The following DNMT1 variants were observed in gnomAD, a reference collection of about 807,000 sequenced individuals.
DNMT1 encodes the protein DNA (cytosine-5)-methyltransferase 1.
DNMT1 carries 24 observed loss-of-function variants against 205.3 expected under a neutral mutation model. The observed-to-expected ratio is 0.12, with a 90% confidence interval of 0.08 to 0.16. The LOEUF is 0.16. DNMT1 is among the 10% of genes least tolerant of loss of function. The pLI, the probability that DNMT1 is intolerant of heterozygous loss-of-function variation, is 1.00. For synonymous variants in DNMT1, 817 were observed against 839.8 expected, an observed-to-expected ratio of 0.97 and a Z score of 0.47; for missense variants, 1,293 against 2,177.7, an observed-to-expected ratio of 0.59 and a Z score of 8.09.
chr19:10,186,226 G>A lies in DNMT1; in HGVS notation c.81-4149C>T, dbSNP rs971550653. On this transcript the variant is annotated intron_variant, in intron 1 of 40. Coordinates refer to ENST00000359526, the MANE Select transcript of DNMT1 (RefSeq NM_001130823.3). ...GAACTGGGATATTTAGCCTGGCAAA[G>A]AGAATAGAGAAACCTTCAAAACCCC... 1.8e-4 allele frequency among the ~76,000 whole-genome samples: 27 copies of A among 152,288 alleles called. No individual in the cohort carries two copies. The East Asian group carries it at 4.4e-3, about 25-fold the overall frequency.
At position 10,154,517 on chromosome 19, in the gene DNMT1, A is replaced by G; in HGVS notation, c.1833-38T>C. The G allele has an allele frequency of 6.2e-7, 1 of 1,614,144 alleles. No individual in the cohort carries two copies. The highest frequency in any genetic ancestry group is 8.5e-7 in the Non-Finnish European group (1 of 1,180,026). The stretch of plus-strand genomic sequence containing the variant: ...TTCCAGCATCTCAGAGGACTGGGAC[A>G]GAGGATGTGGGCCATGCTCTACCCT... On this transcript the variant is annotated intron_variant, in intron 21 of 40. Coordinates refer to ENST00000359526, the MANE Select transcript of DNMT1 (RefSeq NM_001130823.3). This position sits in a 1 kb window ranked among gnomAD's most constrained non-coding sequence, Gnocchi z 6.3.
At chr19:10,194,543 C>G (rs188102031) in intron 1 of DNMT1, 1 of 363,726 alleles carries the variant, frequency 2.7e-6, no homozygotes, top group Admixed American at 5.0e-5. Flanking sequence ...CCAAAGCTTG[C>G]TGTATTTGGG....
intron 1 of DNMT1, among the ~76,000 whole-genome samples, chr19:10,191,740 A>G (rs1030553318): frequency 3.3e-5 from 5 of 152,160 alleles, no homozygotes; most frequent in African/African-American, 1.2e-4. Flanking sequence ...TCACGCCTGT[A>G]ATCTCAGCCC....
intron 13 of DNMT1, 109 bp downstream of exon 13, chr19:10,162,558 C>G: frequency 1.7e-6 from 2 of 1,198,812 alleles, no homozygotes; most frequent in South Asian, 2.8e-5. Context: ...GCGTGCGCCA[C>G]CACGCCCAGT....
At chr19:10,177,428 A>G (rs1599392667) in intron 5 of DNMT1, 61 bp from the exon 6 acceptor site, 1 of 1,517,848 alleles carries the variant, frequency 6.6e-7, no homozygotes, top group East Asian at 2.3e-5. Context: ...TAGAAAGCCC[A>G]CAGCAATAAT....
rs2038517992 is a variant in DNMT1, at chr19:10,159,270, C to T, written c.1280+388G>A. Among the ~76,000 whole-genome samples the T allele has an allele frequency of 1.3e-5, 2 of 152,232 alleles. No homozygotes were observed. On this transcript the variant is annotated intron_variant, in intron 17 of 40. Coordinates refer to ENST00000359526, the MANE Select transcript of DNMT1 (RefSeq NM_001130823.3). This position sits in a 1 kb window ranked among gnomAD's most constrained non-coding sequence, Gnocchi z 5.0. ...TTGCTCTGTCGCCCAGGCTGGAATG[C>T]AGTGGCACCACCTCGGCTCACTGCA... is the stretch of plus-strand genomic sequence containing the variant.
At chr19:10,148,607 C>T (rs1326244357) in intron 27 of DNMT1, among the ~76,000 whole-genome samples, 1 of 152,086 alleles carries the variant, frequency 6.6e-6, no homozygotes, top group Non-Finnish European at 1.5e-5. Flanking sequence ...TGGGCACACA[C>T]TGAAGAACAC....
chr19:10,181,344 G>A (rs1022591061), intron 2 of DNMT1, among the ~76,000 whole-genome samples: 3 of 151,964 alleles, frequency 2.0e-5, no homozygotes, highest in African/African-American at 7.3e-5. Context: ...GAGCTACTCA[G>A]GAGGCTGAGT....
Position 10,134,222 on chromosome 19 carries a change from G to A in DNMT1, c.4859C>T (p.Ala1620Val). The change falls in exon 40 of 41, where the codon GCC becomes GTC. Residue 1620 changes from alanine to valine, a missense_variant. Physicochemically the swap from Ala to Val is moderately conservative, Grantham distance 64 (BLOSUM62 0). This residue lies in a region of DNMT1 where 37 missense variants were observed against 36.3 expected (regional missense o/e 1.02). Coordinates refer to ENST00000359526, the MANE Select transcript of DNMT1 (RefSeq NM_001130823.3). Reference sequence around the variant, plus strand: ...CCTGGCCCACCCCACCATACCTGAGGCACTCTCTCGGGCTTTGGCCAACAT... The same window carrying A: ...CCTGGCCCACCCCACCATACCTGAGACACTCTCTCGGGCTTTGGCCAACAT... ...LCMLAKARES[A>V]SAKIKEEEAA... 1 of 1,614,206 alleles carries A rather than the reference G, an allele frequency of 6.2e-7. No individual in the cohort carries two copies. Among genetic ancestry groups the A allele is most frequent in the Non-Finnish European group, 8.5e-7 (1 of 1,180,042 alleles).
At position 10,133,823 on chromosome 19, in the gene DNMT1, CAAT is replaced by C. The variant is rs1208263420; in HGVS notation, c.4865-125_4865-123del. 9.3e-7 allele frequency: 1 copy of C among 1,077,640 alleles called. No individual in the cohort carries two copies. Among genetic ancestry groups the C allele is most frequent in the Non-Finnish European group, 1.4e-6 (1 of 717,688 alleles). 66.8% of individuals were successfully genotyped at this position (1,077,640 alleles called of 1,614,324 possible). A position where few individuals can be genotyped will look rare whatever the true frequency, so the allele number is the denominator to read the frequency against. Reference sequence around the variant, plus strand: ...AACGTACTGATGTTAACAGCTGACCCAATAAGTGGCAGAGTGCTAAGGGAACGT... The same window carrying C: ...AACGTACTGATGTTAACAGCTGACCCAAGTGGCAGAGTGCTAAGGGAACGT... On this transcript the variant is annotated intron_variant, in intron 40 of 40. Transcript: ENST00000359526. The surrounding 1 kb of genome is among the most constrained non-coding windows in gnomAD (Gnocchi z 4.1).
At chr19:10,173,265 G>A in intron 8 of DNMT1, 91 bp from the exon 9 acceptor site, 1 of 1,282,854 alleles carries the variant, frequency 7.8e-7, no homozygotes, top group South Asian at 1.2e-5. Context: ...TCCCCCAAAA[G>A]CAATCTTCAT....
rs975938332 is a variant in DNMT1 at position 10,139,826 on chromosome 19, G to A, written c.3807-9C>T. The stretch of plus-strand genomic sequence containing the variant: ...GGTAGTAGTCGCAGTAGCTGTAGGG[G>A]GCAGGAGAGACTGCAGGAGTCACCT... On this transcript the variant is annotated splice_polypyrimidine_tract_variant and intron_variant, in intron 33 of 40. Transcript: ENST00000359526. The A allele has an allele frequency of 9.5e-6, 15 of 1,570,894 alleles. No individual in the cohort carries two copies. Among genetic ancestry groups the A allele is most frequent in the East Asian group, 7.0e-5 (3 of 42,878 alleles).
intron 28 of DNMT1, 174 bp from the exon 29 acceptor site, chr19:10,144,161 G>A (rs2089654935): frequency 5.6e-6 from 4 of 717,006 alleles, no homozygotes; most frequent in Non-Finnish European, 9.6e-6. Flanking sequence ...TGTAATCCCA[G>A]CACTTTGGGA....
rs954324585 is a variant in DNMT1 at position 10,151,375 on chromosome 19, G to A, written c.2265+23C>T. Reference sequence around the variant, plus strand: ...CTTATTGGGAACATGGCAGTGAGCTGACCAAGGGGCTCCAAGGGTTACCTT... The same window carrying A: ...CTTATTGGGAACATGGCAGTGAGCTAACCAAGGGGCTCCAAGGGTTACCTT... On this transcript the variant is annotated intron_variant, in intron 24 of 40. Transcript: ENST00000359526. This position sits in a 1 kb window ranked among gnomAD's most constrained non-coding sequence, Gnocchi z 5.0. 5.0e-6 allele frequency: 8 copies of A among 1,610,498 alleles called. No individual in the cohort carries two copies. The African/African-American group carries it at 6.7e-5, about 13-fold the overall frequency.
At chr19:10,148,741 TCATA>T in intron 27 of DNMT1, 139 bp downstream of exon 27, 2 of 1,420,024 alleles carry the variant, frequency 1.4e-6, no homozygotes, top group Non-Finnish European at 2.0e-6. Context: ...TGAGCATCAT[TCATA>T]GTCAGGCTGG....
At chr19:10,182,908 C>T (rs2039098683) in intron 1 of DNMT1, among the ~76,000 whole-genome samples, 1 of 151,338 alleles carries the variant, frequency 6.6e-6, no homozygotes, top group Non-Finnish European at 1.5e-5. Flanking sequence ...TCAAGTGATC[C>T]GCCTGCCTCA....
intron 1 of DNMT1, among the ~76,000 whole-genome samples, chr19:10,190,479 A>G (rs1428105951): frequency 6.6e-6 from 1 of 152,098 alleles, no homozygotes. Flanking sequence ...AATGAATTAA[A>G]AGGCCAGGCA....
Position 10,160,408 on chromosome 19 carries a change from C to G in DNMT1, c.1019G>C (p.Arg340Thr). The G allele has an allele frequency of 6.2e-7, 1 of 1,614,104 alleles. No homozygotes were observed. Among genetic ancestry groups the G allele is most frequent in the Non-Finnish European group, 8.5e-7 (1 of 1,179,986 alleles). Residue 340 changes from arginine to threonine, a missense_variant, in exon 14 of 41, where the codon AGA becomes ACA. Arg to Thr is a moderately conservative substitution (Grantham distance 71, BLOSUM62 -1). Transcript: ENST00000359526. ...EKDEDEKEEKRRKTTPKEPTE... is the reference protein window; with the variant it reads ...EKDEDEKEEKTRKTTPKEPTE... ...CGGTTCTTTGGGGGTCGTTTTGCGT[C>G]TCTTCTCCTCCTACACAGGGAAAAC...
At chr19:10,186,656 T>C (rs1320677955) in intron 1 of DNMT1, among the ~76,000 whole-genome samples, 1 of 151,640 alleles carries the variant, frequency 6.6e-6, no homozygotes, top group East Asian at 1.9e-4. Flanking sequence ...CTGACCAACA[T>C]GAAGAAACTT....
Sources: allele counts gnomAD v4.1 joint callset (sites outside exome capture counted in the v4.1 genomes callset), GRCh38; gene constraint gnomAD v4.1.1; regional missense constraint gnomAD v4.1.1; non-coding constraint Gnocchi (gnomAD v3.1); transcripts MANE v1.5; gene names NCBI Gene and HGNC (gene_info 2026-07-23, HGNC 2026-07-21).